KANK1: variants seen among roughly 807,000 people sequenced by gnomAD.
The protein encoded by KANK1 is KN motif and ankyrin repeat domains 1.
In KANK1, 109 loss-of-function variants were observed where a neutral mutation model predicts 106.2. That is an observed-to-expected ratio of 1.03 (90% confidence interval 0.88 to 1.20). KANK1 has a LOEUF of 1.20. Ranked by LOEUF, KANK1 falls within the 50% of genes most tolerant of loss-of-function variation. The pLI is 0.00. For missense variants in KANK1, 2,399 were observed against 1,710.7 expected (o/e 1.40, Z -7.10); for synonymous variants, 873 against 652.2 (o/e 1.34, Z -5.16).
chr9:610,100 C>G (rs942173916), intron 1 of KANK1, among the ~76,000 whole-genome samples: 1 of 152,044 alleles, frequency 6.6e-6, no homozygotes, highest in Non-Finnish European at 1.5e-5. Flanking sequence ...GTGTCTAATT[C>G]TTTGCTACTT....
intron 1 of KANK1, among the ~76,000 whole-genome samples, chr9:524,777 A>C (rs1260332023): frequency 6.6e-6 from 1 of 151,526 alleles, no homozygotes; most frequent in African/African-American, 2.4e-5. Context: ...TTGGTCTTCC[A>C]AAGTGCTGGG....
intron 2 of KANK1, among the ~76,000 whole-genome samples, chr9:701,989 C>T (rs1195646479): frequency 6.6e-6 from 1 of 152,196 alleles, no homozygotes; most frequent in Non-Finnish European, 1.5e-5. Context: ...GGGCCCCTCT[C>T]ACAGAGCACT....
At chr9:726,514 C>T (rs1483074222) in intron 3 of KANK1, among the ~76,000 whole-genome samples, 1 of 152,044 alleles carries the variant, frequency 6.6e-6, no homozygotes, top group African/African-American at 2.4e-5. Context: ...TGGCACTTGC[C>T]TGTAGCCCCA....
chr9:496,269 C>G (rs922875418), intron 3 of KANK1, among the ~76,000 whole-genome samples: 1 of 152,182 alleles, frequency 6.6e-6, no homozygotes, highest in African/African-American at 2.4e-5. Context: ...AAACTACATT[C>G]TTGGCCAAGT....
chr9:743,764 A>AG (rs779750092), intron 10 of KANK1, among the ~76,000 whole-genome samples: 5 of 152,190 alleles, frequency 3.3e-5, no homozygotes, highest in Non-Finnish European at 7.4e-5. Context: ...GTGGTGGTTG[A>AG]GGCAGGAGAA....
chr9:690,268 T>C (rs1023698861), intron 2 of KANK1, among the ~76,000 whole-genome samples: 2 of 149,348 alleles, frequency 1.3e-5, no homozygotes, highest in Admixed American at 6.7e-5. Flanking sequence ...ATCCCGCCAT[T>C]GTACTCCAGC....
intron 6 of KANK1, 104 bp from the exon 7 acceptor site, chr9:734,644 C>T (rs978129197): frequency 4.0e-5 from 29 of 733,808 alleles, no homozygotes; most frequent in African/African-American, 7.1e-5. Context: ...CCAGCCTGGG[C>T]GACAGAGCAT....
chr9:745,191 A>T lies in KANK1; in HGVS notation c.4015A>T (p.Arg1339Trp). ...TCTCTAGGGCACCCCTAGGCTTGGA[A>T]GGAAGACGTCTCCTGGCCCCACCCA... is the stretch of plus-strand genomic sequence containing the variant. ...AQSPGTPRLG[R>W]KTSPGPTHRG... The change falls in exon 12 of 12, where the codon AGG becomes TGG. Residue 1339 changes from arginine (R) to tryptophan (W), a missense_variant. Coordinates refer to ENST00000382297, the MANE Select transcript of KANK1 (RefSeq NM_015158.5). 6.2e-7 allele frequency: 1 copy of T among 1,614,102 alleles called. No individual in the cohort carries two copies. The highest frequency in any genetic ancestry group is 8.5e-7 in the Non-Finnish European group (1 of 1,179,980).
chr9:742,019 C>T (rs1589362246), intron 9 of KANK1, among the ~76,000 whole-genome samples, 186 bp from the exon 10 acceptor site: 1 of 152,298 alleles, frequency 6.6e-6, no homozygotes, highest in South Asian at 2.1e-4. Context: ...TATGCCCTTC[C>T]TTTGCTCATA....
chr9:534,001 G>A (rs146184835), intron 1 of KANK1, among the ~76,000 whole-genome samples: 1 of 152,174 alleles, frequency 6.6e-6, no homozygotes, highest in African/African-American at 2.4e-5. Context: ...AAGTCACCCA[G>A]ACTTTTTGTC....
intron 1 of KANK1, among the ~76,000 whole-genome samples, chr9:610,633 C>T (rs973898994): frequency 6.6e-6 from 1 of 152,144 alleles, no homozygotes; most frequent in African/African-American, 2.4e-5. Context: ...CTACAACCTG[C>T]AGTTTCCAGC....
At chr9:706,338 G>GT (rs1171340325) in intron 2 of KANK1, among the ~76,000 whole-genome samples, 7 of 152,256 alleles carry the variant, frequency 4.6e-5, no homozygotes, top group African/African-American at 1.7e-4. Flanking sequence ...TTTCTACAAG[G>GT]TGAACTAAAG....
chr9:695,972 G>A (rs906578365), intron 2 of KANK1, among the ~76,000 whole-genome samples: 5 of 152,018 alleles, frequency 3.3e-5, no homozygotes, highest in African/African-American at 1.2e-4. Flanking sequence ...TGTACCAAGC[G>A]CCAAGTACTG....
intron 1 of KANK1, among the ~76,000 whole-genome samples, chr9:668,892 C>G (rs941349483): frequency 6.6e-6 from 1 of 152,016 alleles, no homozygotes; most frequent in East Asian, 1.9e-4. Context: ...TTCGCACTTG[C>G]AGTTCACAAT....
chr9:484,492 G>A (rs2132211955), intron 3 of KANK1: 1 of 152,306 alleles, frequency 6.6e-6, no homozygotes, highest in South Asian at 2.1e-4. Flanking sequence ...AGAGCCTCAA[G>A]CACTGTAAGC....
At chr9:719,597 AT>A (rs201418086) in intron 3 of KANK1, among the ~76,000 whole-genome samples, 4,701 of 152,306 alleles carry the variant, frequency 0.031, 246 homozygotes, top group African/African-American at 0.11. Flanking sequence ...ATCCATTTTA[AT>A]ATATTTTTTT....
At chr9:659,324 A>G (rs1339578158) in intron 1 of KANK1, among the ~76,000 whole-genome samples, 1 of 152,168 alleles carries the variant, frequency 6.6e-6, no homozygotes, top group Non-Finnish European at 1.5e-5. Flanking sequence ...CTTTGAAGAT[A>G]GGGATTTTGA....
intron 2 of KANK1, among the ~76,000 whole-genome samples, chr9:471,910 C>T (rs890750895): frequency 2.6e-5 from 4 of 152,086 alleles, no homozygotes; most frequent in Non-Finnish European, 5.9e-5. Flanking sequence ...GAGCCGGTCA[C>T]CAGGGACTGC....
At chr9:506,908 TG>T (rs1220044713) in intron 1 of KANK1, among the ~76,000 whole-genome samples, 1 of 152,170 alleles carries the variant, frequency 6.6e-6, no homozygotes, top group African/African-American at 2.4e-5. Context: ...GAGCAGATTC[TG>T]AAAGAGCAGA....
Sources: gnomAD v4.1 joint callset for allele counts (sites outside exome capture counted in the v4.1 genomes callset) on GRCh38, gnomAD v4.1.1 for gene constraint, MANE v1.5 for transcripts, NCBI Gene and HGNC (gene_info 2026-07-23, HGNC 2026-07-21) for gene names.